Variants in SRGAP1 observed in about 807,000 individuals in gnomAD.
SRGAP1 encodes SLIT-ROBO Rho GTPase-activating protein 1.
SRGAP1 carries 43 observed loss-of-function variants against 121.9 expected under a neutral mutation model. The observed-to-expected ratio is 0.35, with a 90% CI of 0.28 to 0.46. The LOEUF is 0.46. SRGAP1 is among the 20% of genes least tolerant of loss of function. The pLI, the probability that SRGAP1 is intolerant of heterozygous loss-of-function variation, is 1.00. For missense variants in SRGAP1, 1,102 were observed against 1,350.9 expected, an observed-to-expected ratio of 0.82 and a Z score of 2.89; for synonymous variants, 447 against 485.4, an observed-to-expected ratio of 0.92 and a Z score of 1.04.
At chr12:63,860,913 A>G (rs532992891) in intron 1 of SRGAP1, among the ~76,000 whole-genome samples, 4 of 151,062 alleles carry the variant, frequency 2.6e-5, no homozygotes, top group South Asian at 4.2e-4. Flanking sequence ...ATTGTGCATT[A>G]TAGCCTGGAA....
intron 6 of SRGAP1, among the ~76,000 whole-genome samples, chr12:64,049,104 A>C (rs1184766256): frequency 1.3e-5 from 2 of 152,168 alleles, no homozygotes; most frequent in Non-Finnish European, 2.9e-5. Flanking sequence ...GAGTTTCTCC[A>C]ATGTTTTCTT....
chr12:64,012,908 T>G (rs956693164), intron 3 of SRGAP1, among the ~76,000 whole-genome samples: 12 of 152,196 alleles, frequency 7.9e-5, no homozygotes, highest in Admixed American at 7.9e-4. Flanking sequence ...ATTAAATATT[T>G]TTTTTTCCTA....
In SRGAP1 at chr12:64,126,140, T is replaced by C. The variant is rs752462641; in HGVS notation, c.2388T>C (p.Tyr796=). 3.1e-6 allele frequency: 5 copies of C among 1,613,906 alleles called. No homozygotes were observed. In the Admixed American group the frequency reaches 6.7e-5, roughly 22 times the overall value. ...TTGACGGGCTGGTGCCTCACCAGTATATAGTGGTGCAGGATATGTGAGTAG... is the reference window on the plus strand; with the variant it reads ...TTGACGGGCTGGTGCCTCACCAGTACATAGTGGTGCAGGATATGTGAGTAG... ...NGIDGLVPHQ[Y]IVVQDMDDTF... The change falls in exon 19 of 22, where the codon TAT becomes TAC. Residue 796 remains tyrosine, a synonymous_variant. Transcript: ENST00000355086.
intron 1 of SRGAP1, among the ~76,000 whole-genome samples, chr12:63,867,994 T>A (rs181552494): frequency 1.6e-4 from 21 of 134,056 alleles, no homozygotes; most frequent in Admixed American, 3.0e-4. Flanking sequence ...ATTTCTTACA[T>A]CATCATTAAG....
At chr12:64,079,439 G>A (rs1434500294) in intron 9 of SRGAP1, among the ~76,000 whole-genome samples, 2 of 150,594 alleles carry the variant, frequency 1.3e-5, no homozygotes, top group Non-Finnish European at 3.0e-5. Flanking sequence ...GACCAGCCTG[G>A]GCATCATGGC....
chr12:64,146,657 G>A lies in SRGAP1; in HGVS notation c.*3985G>A, dbSNP rs978950399. 6.6e-6 allele frequency: 1 copy of A among 151,982 alleles called. No homozygotes were observed. Among genetic ancestry groups the A allele is most frequent in the South Asian group, 2.1e-4 (1 of 4,812 alleles). The allele number at this position is 151,982 out of a possible 1,614,324, so 9.4% of individuals were successfully genotyped here. Reference sequence around the variant, plus strand: ...GTGCTTAGGACTCAGTCTTGTTTTCGATTATCCACCACAGAAACCCTGAGA... The same window carrying A: ...GTGCTTAGGACTCAGTCTTGTTTTCAATTATCCACCACAGAAACCCTGAGA... On this transcript the variant is annotated 3_prime_UTR_variant, in exon 22 of 22. Coordinates refer to ENST00000355086, the MANE Select transcript of SRGAP1 (RefSeq NM_020762.4).
At chr12:63,935,895 T>G (rs554437893) in intron 1 of SRGAP1, among the ~76,000 whole-genome samples, 2 of 152,278 alleles carry the variant, frequency 1.3e-5, no homozygotes, top group African/African-American at 4.8e-5. Flanking sequence ...AGTTTAAATT[T>G]TAGCTGGGAA....
chr12:64,069,982 C>T (rs545135143), intron 8 of SRGAP1, among the ~76,000 whole-genome samples: 7 of 152,212 alleles, frequency 4.6e-5, no homozygotes, highest in Non-Finnish European at 8.8e-5. Flanking sequence ...AGCAATCTTC[C>T]CACCTTGGCC....
At chr12:64,008,288 A>G (rs1448703473) in intron 3 of SRGAP1, among the ~76,000 whole-genome samples, 1 of 152,192 alleles carries the variant, frequency 6.6e-6, no homozygotes, top group East Asian at 1.9e-4. Context: ...ATTAGCCACA[A>G]GGATTTTTAA....
intron 21 of SRGAP1, among the ~76,000 whole-genome samples, chr12:64,136,191 A>G (rs1488982978): frequency 6.6e-6 from 1 of 152,176 alleles, no homozygotes; most frequent in Non-Finnish European, 1.5e-5. Flanking sequence ...GCATCCTTCA[A>G]TCAAGTTGAC....
chr12:64,059,933 T>A (rs1379721241), intron 6 of SRGAP1, among the ~76,000 whole-genome samples: 1 of 152,178 alleles, frequency 6.6e-6, no homozygotes, highest in African/African-American at 2.4e-5. Context: ...TCTGTTTTTT[T>A]AAATCAAGTC....
intron 15 of SRGAP1, among the ~76,000 whole-genome samples, chr12:64,107,725 T>G (rs1367083829): frequency 1.3e-5 from 2 of 152,220 alleles, no homozygotes; most frequent in Non-Finnish European, 2.9e-5. Context: ...TCAAGTATTT[T>G]CATGAATATC....
intron 4 of SRGAP1, among the ~76,000 whole-genome samples, chr12:64,025,065 G>T (rs929495786): frequency 1.3e-5 from 2 of 151,776 alleles, no homozygotes; most frequent in East Asian, 3.9e-4. Flanking sequence ...TCACAGGAGC[G>T]GTTTAAAAAG....
At chr12:64,043,114 G>A in intron 5 of SRGAP1, 142 bp downstream of exon 5, 1 of 681,534 alleles carries the variant, frequency 1.5e-6, no homozygotes, top group Non-Finnish European at 2.4e-6. Context: ...GAAATGTTTA[G>A]GAAATATAAA....
At chr12:64,113,803 A>T (rs967693906) in intron 17 of SRGAP1, among the ~76,000 whole-genome samples, 2 of 152,214 alleles carry the variant, frequency 1.3e-5, no homozygotes, top group African/African-American at 4.8e-5. Flanking sequence ...AATCAAAGTT[A>T]GGTGTGTGTG....
chr12:64,086,873 G>C, intron 10 of SRGAP1, 126 bp from the exon 11 acceptor site: 1 of 662,488 alleles, frequency 1.5e-6, no homozygotes, highest in Non-Finnish European at 2.6e-6. Flanking sequence ...CATGTTTTCT[G>C]CCATAAAAAC....
chr12:63,979,325 A>G (rs978760337), intron 1 of SRGAP1, among the ~76,000 whole-genome samples: 12 of 152,134 alleles, frequency 7.9e-5, no homozygotes, highest in African/African-American at 2.9e-4. Context: ...GGCGTGAGCC[A>G]CCGCACCCAG....
rs372044071 is a variant in SRGAP1, at chr12:64,127,943, C to T, written c.2623C>T (p.His875Tyr). ...SDGHCPLHPP[H>Y]ALSNSSVDLG... ...TGGCCATTGCCCGCTCCACCCTCCACATGCCCTTTCTAACTCCTCAGTTGA... is the reference window on the plus strand; with the variant it reads ...TGGCCATTGCCCGCTCCACCCTCCATATGCCCTTTCTAACTCCTCAGTTGA... The change falls in exon 21 of 22, where the codon CAT becomes TAT. Residue 875 changes from histidine to tyrosine, a missense_variant. Physicochemically the swap from His to Tyr is moderately conservative, Grantham distance 83 (BLOSUM62 2). Around this residue, in one of 3 missense-constraint regions of SRGAP1, gnomAD observed 315 missense variants for 343.1 expected, o/e 0.92. Coordinates refer to ENST00000355086, the MANE Select transcript of SRGAP1 (RefSeq NM_020762.4). 3.0e-5 allele frequency: 48 copies of T among 1,614,144 alleles called. No individual in the cohort carries two copies. The highest frequency in any genetic ancestry group is 3.6e-5 in the Non-Finnish European group (43 of 1,180,058).
At chr12:64,124,709 A>G (rs2036660111) in intron 18 of SRGAP1, among the ~76,000 whole-genome samples, 1 of 152,220 alleles carries the variant, frequency 6.6e-6, no homozygotes, top group Non-Finnish European at 1.5e-5. Flanking sequence ...TTTGCCTTCA[A>G]TATTTGTGGT....
Sources: allele counts gnomAD v4.1 joint callset (sites outside exome capture counted in the v4.1 genomes callset), GRCh38; gene constraint gnomAD v4.1.1; regional missense constraint gnomAD v4.1.1; transcripts MANE v1.5; gene names NCBI Gene and HGNC (gene_info 2026-07-23, HGNC 2026-07-21).